RPTOR: variants seen among roughly 807,000 people sequenced by gnomAD.
RPTOR encodes regulatory-associated protein of mTOR.
In RPTOR, 21 loss-of-function variants were observed where a neutral mutation model predicts 169.9. The observed-to-expected ratio is 0.12, with a 90% CI of 0.09 to 0.18. The LOEUF (loss-of-function observed/expected upper bound fraction) is 0.18, where lower values mean the gene tolerates loss of function less well. Ranked by LOEUF, RPTOR falls within the 10% of genes least tolerant of loss-of-function variation. RPTOR has a pLI of 1.00. For synonymous variants in RPTOR, 732 were observed against 753.2 expected (o/e 0.97, Z 0.46); for missense variants, 1,133 against 1,855.9 (o/e 0.61, Z 7.16).
intron 2 of RPTOR, among the ~76,000 whole-genome samples, chr17:80,640,837 A>G (rs2065547838): frequency 6.6e-6 from 1 of 152,200 alleles, no homozygotes; most frequent in African/African-American, 2.4e-5. Context: ...ACTGGAGAGC[A>G]TGCATAGTGT....
At chr17:80,589,579 A>G (rs1239117349) in intron 1 of RPTOR, among the ~76,000 whole-genome samples, 1 of 151,596 alleles carries the variant, frequency 6.6e-6, no homozygotes, top group Non-Finnish European at 1.5e-5. Flanking sequence ...TTCAATATTA[A>G]TTTTTCTAAT....
chr17:80,805,937 G>A (rs1320663630), intron 7 of RPTOR, among the ~76,000 whole-genome samples: 2 of 152,098 alleles, frequency 1.3e-5, no homozygotes, highest in Admixed American at 6.5e-5. Context: ...ACTTCCTCCC[G>A]AGTTCAACCC....
intron 9 of RPTOR, among the ~76,000 whole-genome samples, chr17:80,832,296 G>A (rs1216364667): frequency 6.6e-6 from 1 of 152,232 alleles, no homozygotes; most frequent in East Asian, 1.9e-4. Flanking sequence ...CTGTCTTGGA[G>A]GCTTCCATCC....
At position 80,845,353 on chromosome 17, in the gene RPTOR, C is replaced by T. The variant is rs1288003522; in HGVS notation, c.1213-1120C>T. Among the ~76,000 whole-genome samples the T allele has an allele frequency of 6.6e-6, 1 of 152,132 alleles. No homozygotes were observed. Among genetic ancestry groups the T allele is most frequent in the African/African-American group, 2.4e-5 (1 of 41,432 alleles). On this transcript the variant is annotated intron_variant, in intron 10 of 33. Coordinates refer to ENST00000306801, the MANE Select transcript of RPTOR (RefSeq NM_020761.3). The surrounding 1 kb of genome is among the most constrained non-coding windows in gnomAD (Gnocchi z 5.4). ...AGCATTTTTTTTGGTCTCCCTCACC[C>T]GCGCGCCTTCTCTGTCCAGCTGCAA...
chr17:80,578,638 T>C (rs2064987509), intron 1 of RPTOR, among the ~76,000 whole-genome samples: 1 of 152,166 alleles, frequency 6.6e-6, no homozygotes, highest in Non-Finnish European at 1.5e-5. Flanking sequence ...TTCGAGGGGC[T>C]GAAAGGGCCA....
intron 3 of RPTOR, among the ~76,000 whole-genome samples, chr17:80,685,627 A>ATTTTTTTTTTTTTTT (rs1165540456): frequency 3.3e-5 from 1 of 30,686 alleles, no homozygotes; most frequent in Non-Finnish European, 5.4e-5. Context: ...ATATATATAT[A>ATTTTTTTTTTTTTTT]TTTTTTTTTT....
intron 1 of RPTOR, among the ~76,000 whole-genome samples, chr17:80,577,719 G>C (rs759895702): frequency 6.6e-6 from 1 of 152,218 alleles, no homozygotes; most frequent in Non-Finnish European, 1.5e-5. Context: ...GGAAGCTGCA[G>C]TCCAGCTCTG....
At chr17:80,756,415 A>G (rs373679318) in intron 6 of RPTOR, among the ~76,000 whole-genome samples, 18 of 152,248 alleles carry the variant, frequency 1.2e-4, no homozygotes, top group African/African-American at 2.7e-4. Flanking sequence ...AAGTTATAGT[A>G]TTCCATAGTA....
intron 25 of RPTOR, among the ~76,000 whole-genome samples, chr17:80,944,947 C>T (rs2069080635): frequency 6.7e-6 from 1 of 148,728 alleles, no homozygotes; most frequent in South Asian, 2.1e-4. Context: ...GCCAAGATCA[C>T]ACCACTGCAC....
chr17:80,898,638 C>A (rs1167642221), intron 20 of RPTOR, among the ~76,000 whole-genome samples: 2 of 117,820 alleles, frequency 1.7e-5, no homozygotes, highest in African/African-American at 3.2e-5. Flanking sequence ...TGCCCCGGCT[C>A]CCCCAACCCC....
At chr17:80,892,337 GCTT>G (rs1315926685) in intron 18 of RPTOR, among the ~76,000 whole-genome samples, 1 of 152,130 alleles carries the variant, frequency 6.6e-6, no homozygotes, top group African/African-American at 2.4e-5. Flanking sequence ...AGGCCTCACT[GCTT>G]CTAGGAAGCC....
At chr17:80,644,716 A>G (rs999780073) in intron 3 of RPTOR, among the ~76,000 whole-genome samples, 2 of 152,190 alleles carry the variant, frequency 1.3e-5, no homozygotes, top group Admixed American at 6.5e-5. Flanking sequence ...TATCCACATG[A>G]TGTGGGATTT....
chr17:80,713,218 G>A (rs1187553368), intron 4 of RPTOR, among the ~76,000 whole-genome samples: 2 of 152,080 alleles, frequency 1.3e-5, no homozygotes, highest in Admixed American at 6.5e-5. Context: ...ACAGGCACCC[G>A]CCTCCACGCC....
rs2067837202 is a variant in RPTOR at position 80,855,028 on chromosome 17, G to T, written c.1315-436G>T. On this transcript the variant is annotated intron_variant, in intron 11 of 33. Transcript: ENST00000306801. ...ACTGTGCCGCCTTTGGGAATAATAT[G>T]GTCAGTACATACCTACTGATATGAA... Among the ~76,000 whole-genome samples, 7 of 152,262 alleles carry T rather than the reference G, an allele frequency of 4.6e-5. No homozygotes were observed. The South Asian group carries it at 1.5e-3, about 32-fold the overall frequency.
At chr17:80,841,130 CCG>C (rs2067643065) in intron 10 of RPTOR, among the ~76,000 whole-genome samples, 1 of 110,446 alleles carries the variant, frequency 9.1e-6, no homozygotes, top group African/African-American at 5.0e-5. Context: ...CTCACACTCA[CCG>C]CACGGCAGCT....
chr17:80,831,708 ACTGTGTATCC>A (rs1191868499), intron 9 of RPTOR, among the ~76,000 whole-genome samples: 3 of 152,072 alleles, frequency 2.0e-5, no homozygotes, highest in African/African-American at 4.8e-5. Flanking sequence ...CCTGTGTGTC[ACTGTGTATCC>A]CTGTGTGTCA....
At chr17:80,918,828 C>G (rs975704499) in intron 21 of RPTOR, among the ~76,000 whole-genome samples, 1 of 152,136 alleles carries the variant, frequency 6.6e-6, no homozygotes, top group South Asian at 2.1e-4. Flanking sequence ...CGTCAGCACT[C>G]GTGTCTGTGT....
chr17:80,844,799 C>A lies in RPTOR; in HGVS notation c.1213-1674C>A, dbSNP rs866633266. Among the ~76,000 whole-genome samples the A allele has an allele frequency of 6.6e-6, 1 of 152,316 alleles. No homozygotes were observed. The highest frequency in any genetic ancestry group is 2.4e-5 in the African/African-American group (1 of 41,588). ...CTGGCGTTCGCCTGTCCACATGTGT[C>A]CACATTCACTGGAACCCGGGGCACA... On this transcript the variant is annotated intron_variant, in intron 10 of 33. Transcript: ENST00000306801. This position sits in a 1 kb window ranked among gnomAD's most constrained non-coding sequence, Gnocchi z 4.7.
chr17:80,666,644 A>ATCATTCAT (rs111693485), intron 3 of RPTOR, among the ~76,000 whole-genome samples: 3 of 152,098 alleles, frequency 2.0e-5, no homozygotes, highest in African/African-American at 7.3e-5. Context: ...GAAAATAAAC[A>ATCATTCAT]TCATTCATTC....
Sources: gnomAD v4.1 joint callset for allele counts (sites outside exome capture counted in the v4.1 genomes callset) on GRCh38, gnomAD v4.1.1 for gene constraint, Gnocchi (gnomAD v3.1) non-coding constraint, MANE v1.5 for transcripts, NCBI Gene and HGNC (gene_info 2026-07-23, HGNC 2026-07-21) for gene names.